TMEM154: variants seen among roughly 807,000 people sequenced by gnomAD.
TMEM154 encodes transmembrane protein 154.
TMEM154 carries 27 observed loss-of-function variants against 24.5 expected under a neutral mutation model. The observed-to-expected ratio is 1.10, with a 90% CI of 0.81 to 1.52. The LOEUF (loss-of-function observed/expected upper bound fraction) is 1.52, where lower values mean the gene tolerates loss of function less well. Ranked by LOEUF, TMEM154 falls within the 40% of genes most tolerant of loss-of-function variation. The pLI is 0.00. For synonymous variants in TMEM154, 67 were observed against 76.8 expected, an observed-to-expected ratio of 0.87 and a Z score of 0.67; for missense variants, 228 against 213.4, an observed-to-expected ratio of 1.07 and a Z score of -0.43.
At chr4:152,629,874 T>G (rs1752001008) in intron 6 of TMEM154, among the ~76,000 whole-genome samples, 1 of 152,136 alleles carries the variant, frequency 6.6e-6, no homozygotes, top group South Asian at 2.1e-4. Flanking sequence ...GATCGATCCA[T>G]GAAAGGGCAG....
In TMEM154 at chr4:152,663,977, T is replaced by A. The variant is rs573039908; in HGVS notation, c.65-11050A>T. On this transcript the variant is annotated intron_variant, in intron 1 of 6. Coordinates refer to ENST00000304385, the MANE Select transcript of TMEM154 (RefSeq NM_152680.3). ...GCTGGGCAGCACAGTGTCCCCATTA[T>A]CCCTGCTCAGGGCATTATCACTAAA... Among the ~76,000 whole-genome samples, 8 of 152,314 alleles carry A rather than the reference T, an allele frequency of 5.3e-5. No homozygotes were observed. The South Asian group carries it at 1.7e-3, about 32-fold the overall frequency.
At chr4:152,657,722 G>A (rs548842822) in intron 1 of TMEM154, among the ~76,000 whole-genome samples, 11 of 152,244 alleles carry the variant, frequency 7.2e-5, no homozygotes, top group South Asian at 2.1e-4. Context: ...AGAAACGCAT[G>A]TAGTCACCTA....
intron 1 of TMEM154, among the ~76,000 whole-genome samples, chr4:152,671,606 G>A (rs1728838559): frequency 1.3e-5 from 2 of 150,750 alleles, no homozygotes; most frequent in South Asian, 2.1e-4. Flanking sequence ...AATTAGCCGG[G>A]CGTAGTGGCG....
At position 152,620,071 on chromosome 4, in the gene TMEM154, A is replaced by G. The variant is rs1751821471; in HGVS notation, c.*8475T>C. ...ATTTTGCTGTTCTCCACACTCCTAT[A>G]TACATTCTAGGCTGGAGTATCCTGC... On this transcript the variant is annotated 3_prime_UTR_variant, in exon 7 of 7. Coordinates refer to ENST00000304385, the MANE Select transcript of TMEM154 (RefSeq NM_152680.3). The G allele has an allele frequency of 1.3e-5, 2 of 152,170 alleles. No homozygotes were observed. Among genetic ancestry groups the G allele is most frequent in the Non-Finnish European group, 2.9e-5 (2 of 68,080 alleles). The allele number at this position is 152,170 out of a possible 1,614,324, so 9.4% of individuals were successfully genotyped here. A position where few individuals can be genotyped will look rare whatever the true frequency, so the allele number is the denominator to read the frequency against.
intron 1 of TMEM154, among the ~76,000 whole-genome samples, chr4:152,660,970 C>T (rs1728589832): frequency 6.6e-6 from 1 of 151,972 alleles, no homozygotes; most frequent in African/African-American, 2.4e-5. Context: ...GACCCGTGGC[C>T]CCGGGAAAAG....
chr4:152,636,896 A>G (rs1055614066), intron 6 of TMEM154, among the ~76,000 whole-genome samples: 1 of 152,224 alleles, frequency 6.6e-6, no homozygotes, highest in African/African-American at 2.4e-5. Flanking sequence ...ACTAAATTCA[A>G]TTTTTAATGA....
chr4:152,630,039 C>T (rs974147697), intron 6 of TMEM154, among the ~76,000 whole-genome samples: 1 of 151,940 alleles, frequency 6.6e-6, no homozygotes, highest in African/African-American at 2.4e-5. Flanking sequence ...CTAGGGTGGG[C>T]GTGGTGGCTC....
At chr4:152,637,607 C>T (rs2149779383) in intron 6 of TMEM154, among the ~76,000 whole-genome samples, 1 of 152,006 alleles carries the variant, frequency 6.6e-6, no homozygotes, top group African/African-American at 2.4e-5. Flanking sequence ...CTTATATCAT[C>T]CTGTGAAACT....
At chr4:152,628,924 T>C (rs1053197551) in intron 6 of TMEM154, among the ~76,000 whole-genome samples, 8 of 151,648 alleles carry the variant, frequency 5.3e-5, no homozygotes, top group East Asian at 3.9e-4. Flanking sequence ...GAATTACAGG[T>C]GTGAGCCACT....
At position 152,653,070 on chromosome 4, in the gene TMEM154, G is replaced by A. The variant is rs139098047; in HGVS notation, c.65-143C>T. On this transcript the variant is annotated intron_variant, in intron 1 of 6. Coordinates refer to ENST00000304385, the MANE Select transcript of TMEM154 (RefSeq NM_152680.3). The stretch of plus-strand genomic sequence containing the variant: ...TGGCCTCCAAGCTAAGTGTGACACA[G>A]AACATTGATTTAACATAAATGAAGC... The A allele has an allele frequency of 8.2e-3, 6,356 of 777,336 alleles. 50 individuals are homozygous for A. Among genetic ancestry groups the A allele is most frequent in the South Asian group, 0.017 (842 of 50,254 alleles). The allele number at this position is 777,336 out of a possible 1,614,324, so 48.2% of individuals were successfully genotyped here. A position where few individuals can be genotyped will look rare whatever the true frequency, so the allele number is the denominator to read the frequency against.
rs35479540 is a variant in TMEM154 at position 152,620,064 on chromosome 4, C to G, written c.*8482G>C. On this transcript the variant is annotated 3_prime_UTR_variant, in exon 7 of 7. Coordinates refer to ENST00000304385, the MANE Select transcript of TMEM154 (RefSeq NM_152680.3). ...AATGCTGATTTTGCTGTTCTCCACA[C>G]TCCTATATACATTCTAGGCTGGAGT... is the stretch of plus-strand genomic sequence containing the variant. The G allele has an allele frequency of 0.043, 6,613 of 152,240 alleles. 256 individuals are homozygous for G. The highest frequency in any genetic ancestry group is 0.098 in the African/African-American group (4,078 of 41,512). 9.4% of individuals were successfully genotyped at this position (152,240 alleles called of 1,614,324 possible).
chr4:152,651,181 G>A (rs1429218468), intron 3 of TMEM154, among the ~76,000 whole-genome samples: 1 of 133,732 alleles, frequency 7.5e-6, no homozygotes, highest in South Asian at 2.4e-4. Flanking sequence ...AGTCCTAGAT[G>A]GCATTTTTTT....
At chr4:152,646,701 A>G (rs1728246740) in intron 3 of TMEM154, 1 of 421,976 alleles carries the variant, frequency 2.4e-6, no homozygotes, top group African/African-American at 2.0e-5. Context: ...CCCCCCACTT[A>G]GCCTGACAGT....
chr4:152,668,539 G>A (rs1728766036), intron 1 of TMEM154: 1 of 152,196 alleles, frequency 6.6e-6, no homozygotes. Flanking sequence ...TAGGTGAAGA[G>A]CTCTTTCATG....
intron 1 of TMEM154, among the ~76,000 whole-genome samples, chr4:152,659,047 G>A (rs1032815256): frequency 6.6e-6 from 1 of 152,028 alleles, no homozygotes; most frequent in East Asian, 1.9e-4. Context: ...GTATATCAAA[G>A]GAATAATTGC....
At chr4:152,665,244 C>A (rs533795918) in intron 1 of TMEM154, among the ~76,000 whole-genome samples, 2 of 152,282 alleles carry the variant, frequency 1.3e-5, no homozygotes, top group African/African-American at 4.8e-5. Flanking sequence ...AGGGGTAGAA[C>A]CCAGGTCTCA....
At chr4:152,677,883 A>G (rs1460894071) in intron 1 of TMEM154, among the ~76,000 whole-genome samples, 2 of 152,192 alleles carry the variant, frequency 1.3e-5, no homozygotes, top group African/African-American at 2.4e-5. Flanking sequence ...AAGGTGAACT[A>G]CAGAGGATTT....
chr4:152,663,179 T>G (rs1235208156), intron 1 of TMEM154, among the ~76,000 whole-genome samples: 2 of 152,222 alleles, frequency 1.3e-5, no homozygotes, highest in East Asian at 3.8e-4. Context: ...TGTTATTTTC[T>G]TCATCCATCA....
intron 1 of TMEM154, among the ~76,000 whole-genome samples, chr4:152,676,945 A>T (rs1728962315): frequency 6.6e-6 from 1 of 152,098 alleles, no homozygotes; most frequent in South Asian, 2.1e-4. Context: ...AACAAATCCC[A>T]TGCTTTTGGT....
Sources: allele counts gnomAD v4.1 joint callset (sites outside exome capture counted in the v4.1 genomes callset), GRCh38; gene constraint gnomAD v4.1.1; transcripts MANE v1.5; gene names NCBI Gene and HGNC (gene_info 2026-07-23, HGNC 2026-07-21).